Variants in MTHFD2L observed in about 807,000 individuals in gnomAD.
MTHFD2L encodes bifunctional methylenetetrahydrofolate dehydrogenase/cyclohydrolase 2, mitochondrial.
MTHFD2L carries 29 observed loss-of-function variants against 34.9 expected under a neutral mutation model. That is an observed-to-expected ratio of 0.83 (90% CI 0.62 to 1.13). MTHFD2L has a LOEUF of 1.13. MTHFD2L is among the 50% of genes most tolerant of loss of function. The pLI is 0.00. For missense variants in MTHFD2L, 481 were observed against 446.5 expected (o/e 1.08, Z -0.70); for synonymous variants, 167 against 155.7 (o/e 1.07, Z -0.54).
chr4:74,249,131 T>C (rs1742938158), intron 6 of MTHFD2L, among the ~76,000 whole-genome samples: 1 of 151,860 alleles, frequency 6.6e-6, no homozygotes, highest in Non-Finnish European at 1.5e-5. Flanking sequence ...TCTTTGTAAG[T>C]CACTCAGGAC....
Position 74,175,311 on chromosome 4 carries a change from A to G in MTHFD2L, c.359A>G (p.Lys120Arg), listed in dbSNP as rs778898536. 6.2e-7 allele frequency: 1 copy of G among 1,613,278 alleles called. No homozygotes were observed. The highest frequency in any genetic ancestry group is 8.5e-7 in the Non-Finnish European group (1 of 1,179,440). Residue 120 changes from lysine (K) to arginine (R), a missense_variant, in exon 3 of 8, where the codon AAG becomes AGG. Lys to Arg is a conservative substitution (Grantham distance 26). Coordinates refer to ENST00000325278, the MANE Select transcript of MTHFD2L (RefSeq NM_001144978.3). ...GICSELILKP[K>R]DVSQEELLDV... ...TGTAGTGAGCTCATTCTAAAACCTAAGGATGTTTCTCAGGAAGAACTTTTG... is the reference window on the plus strand; with the variant it reads ...TGTAGTGAGCTCATTCTAAAACCTAGGGATGTTTCTCAGGAAGAACTTTTG...
chr4:74,135,261 A>G (rs1722825385), intron 1 of MTHFD2L, among the ~76,000 whole-genome samples: 1 of 152,072 alleles, frequency 6.6e-6, no homozygotes, highest in Admixed American at 6.6e-5. Context: ...ATCTTTAGCC[A>G]GAATAAGAAA....
chr4:74,270,287 A>G (rs1035976902), intron 6 of MTHFD2L, among the ~76,000 whole-genome samples: 7 of 151,978 alleles, frequency 4.6e-5, no homozygotes, highest in Non-Finnish European at 1.0e-4. Flanking sequence ...GTCATTTAAC[A>G]TTAGGTATAT....
intron 1 of MTHFD2L, among the ~76,000 whole-genome samples, chr4:74,138,402 T>C (rs1044704703): frequency 6.6e-6 from 1 of 152,136 alleles, no homozygotes; most frequent in Admixed American, 6.5e-5. Context: ...TCCTCTGACC[T>C]GGGGTTCTTG....
chr4:74,269,244 A>G lies in MTHFD2L; in HGVS notation c.806-12181A>G, dbSNP rs1745667095. Reference sequence around the variant, plus strand: ...TTCTTTTGCCAGAAATAAGTTGATAAAAGGATTAATTAGCTTGGGGGGAAA... The same window carrying G: ...TTCTTTTGCCAGAAATAAGTTGATAGAAGGATTAATTAGCTTGGGGGGAAA... On this transcript the variant is annotated intron_variant, in intron 6 of 7. Coordinates refer to ENST00000325278, the MANE Select transcript of MTHFD2L (RefSeq NM_001144978.3). Among the ~76,000 whole-genome samples the G allele has an allele frequency of 2.0e-5, 3 of 152,292 alleles. No individual in the cohort carries two copies. The South Asian group carries it at 6.2e-4, about 32-fold the overall frequency.
At chr4:74,119,143 T>C (rs1014242847), upstream of MTHFD2L, among the ~76,000 whole-genome samples, 1 of 152,104 alleles carries the variant, frequency 6.6e-6, no homozygotes, top group Non-Finnish European at 1.5e-5. Context: ...GCAAGTGCGT[T>C]GATGTACTTC....
At chr4:74,205,554 T>A (rs1735149143) in intron 5 of MTHFD2L, among the ~76,000 whole-genome samples, 1 of 152,230 alleles carries the variant, frequency 6.6e-6, no homozygotes, top group Non-Finnish European at 1.5e-5. Context: ...AGTTTTGTTA[T>A]TAAGGACATG....
Position 74,259,555 on chromosome 4 carries a change from T to C in MTHFD2L, c.806-21870T>C, listed in dbSNP as rs191789597. Among the ~76,000 whole-genome samples, 355 of 152,274 alleles carry C rather than the reference T, an allele frequency of 2.3e-3. 2 individuals carry two copies. The highest frequency in any genetic ancestry group is 3.9e-3 in the Admixed American group (59 of 15,292). ...TAAGAGTTTTGCTTTGAAAAACAGG[T>C]AGTCTGCAAAAACAGAGAGCCCCAT... On this transcript the variant is annotated intron_variant, in intron 6 of 7. Transcript: ENST00000325278.
At chr4:74,250,532 A>G (rs1202447158) in intron 6 of MTHFD2L, among the ~76,000 whole-genome samples, 2 of 152,194 alleles carry the variant, frequency 1.3e-5, no homozygotes, top group Non-Finnish European at 2.9e-5. Flanking sequence ...CCTAGCACAT[A>G]GTAGCTATTC....
intron 1 of MTHFD2L, among the ~76,000 whole-genome samples, chr4:74,134,681 C>A (rs1722782577): frequency 6.6e-6 from 1 of 152,046 alleles, no homozygotes; most frequent in South Asian, 2.1e-4. Context: ...ACCAAGAATT[C>A]AAAACAGCTG....
intron 3 of MTHFD2L, among the ~76,000 whole-genome samples, chr4:74,175,797 A>G (rs1011316748): frequency 3.6e-4 from 54 of 152,090 alleles, no homozygotes; most frequent in Non-Finnish European, 1.6e-4. Flanking sequence ...GAAATGAATA[A>G]TTAGTAAAAC....
chr4:74,301,891 A>G lies in MTHFD2L; in HGVS notation c.*82A>G. On this transcript the variant is annotated 3_prime_UTR_variant, in exon 8 of 8. Coordinates refer to ENST00000325278, the MANE Select transcript of MTHFD2L (RefSeq NM_001144978.3). ...GTAAAACCTTTATATTTTACTACAA[A>G]GCTATTTATTTCTACATGGTATTTA... 2.9e-6 allele frequency: 2 copies of G among 695,014 alleles called. No individual in the cohort carries two copies. The highest frequency in any genetic ancestry group is 4.5e-6 in the Non-Finnish European group (2 of 441,410). The allele number at this position is 695,014 out of a possible 1,614,324, so 43.1% of individuals were successfully genotyped here.
intron 7 of MTHFD2L, among the ~76,000 whole-genome samples, chr4:74,297,504 T>C (rs1042565677): frequency 6.6e-6 from 1 of 152,034 alleles, no homozygotes; most frequent in African/African-American, 2.4e-5. Context: ...ACACCCACAG[T>C]AAATTAAGTC....
At position 74,165,679 on chromosome 4, in the gene MTHFD2L, A is replaced by G. The variant is rs1227428466; in HGVS notation, c.143+7398A>G. Among the ~76,000 whole-genome samples, 5 of 152,188 alleles carry G rather than the reference A, an allele frequency of 3.3e-5. No individual in the cohort carries two copies. The East Asian group carries it at 7.7e-4, about 23-fold the overall frequency. ...CCCTTGTGCTTAATTTTAAAATTAA[A>G]TTTTCTGCAATTTTCTTAACAGTTG... On this transcript the variant is annotated intron_variant, in intron 1 of 7. Transcript: ENST00000325278.
At chr4:74,173,486 TG>T (rs1185658550) in intron 1 of MTHFD2L, among the ~76,000 whole-genome samples, 1 of 152,220 alleles carries the variant, frequency 6.6e-6, no homozygotes, top group Non-Finnish European at 1.5e-5. Context: ...GTGACAAGCA[TG>T]GCAAGACTCA....
At chr4:74,268,895 G>T (rs1395036373) in intron 6 of MTHFD2L, among the ~76,000 whole-genome samples, 6 of 152,022 alleles carry the variant, frequency 3.9e-5, no homozygotes, top group African/African-American at 1.4e-4. Context: ...TTTGCTTTAG[G>T]TATTGCTATC....
intron 1 of MTHFD2L, among the ~76,000 whole-genome samples, chr4:74,149,112 AG>A (rs767006816): frequency 1.3e-5 from 2 of 151,818 alleles, no homozygotes; most frequent in African/African-American, 2.4e-5. Flanking sequence ...CCATGATTCC[AG>A]CTCTCATTAG....
intron 5 of MTHFD2L, among the ~76,000 whole-genome samples, chr4:74,213,864 CT>C (rs1337010216): frequency 1.3e-5 from 2 of 152,272 alleles, no homozygotes; most frequent in East Asian, 3.9e-4. Context: ...AGGTTTTGGT[CT>C]TTTCACATAG....
intron 7 of MTHFD2L, among the ~76,000 whole-genome samples, chr4:74,296,264 T>C (rs1007884674): frequency 6.6e-6 from 1 of 152,140 alleles, no homozygotes; most frequent in Admixed American, 6.6e-5. Context: ...ATCCATCAAA[T>C]GTTTATAAGC....
Sources: allele counts gnomAD v4.1 joint callset (sites outside exome capture counted in the v4.1 genomes callset), GRCh38; gene constraint gnomAD v4.1.1; transcripts MANE v1.5; gene names NCBI Gene and HGNC (gene_info 2026-07-23, HGNC 2026-07-21).